RDX: variants seen among roughly 807,000 people sequenced by gnomAD.
RDX encodes the protein deafness, autosomal recessive 24.
RDX carries 32 observed loss-of-function variants against 83.7 expected under a neutral mutation model. The ratio of observed to expected loss-of-function variants is 0.38; its 90% CI spans 0.29 to 0.51. The LOEUF is 0.51. Ranked by LOEUF, RDX falls within the 20% of genes least tolerant of loss-of-function variation. The pLI is 0.87. For synonymous variants in RDX, 229 were observed against 222.7 expected (o/e 1.03, Z -0.25); for missense variants, 600 against 689.9 (o/e 0.87, Z 1.46).
rs566847792 is a variant in RDX at position 110,259,742 on chromosome 11, G to A, written c.468-1553C>T. On this transcript the variant is annotated intron_variant, in intron 5 of 13. Transcript: ENST00000645495. ...ATCAGCCTTGGAGACATAACCCAGT[G>A]CAGTCAATTGCTTACCATAATTATA... Among the ~76,000 whole-genome samples, 6 of 152,268 alleles carry A rather than the reference G, an allele frequency of 3.9e-5. No homozygotes were observed. In the South Asian group the frequency reaches 1.2e-3, roughly 32 times the overall value.
downstream of RDX, among the ~76,000 whole-genome samples, chr11:110,228,613 G>C (rs907378475): frequency 6.6e-6 from 1 of 151,644 alleles, no homozygotes; most frequent in African/African-American, 2.4e-5. Flanking sequence ...ATGTAAAATG[G>C]GATGCCTGTG....
At chr11:110,191,143 GA>G (rs1431248016) in intron 15 of RDX, among the ~76,000 whole-genome samples, 1 of 152,118 alleles carries the variant, frequency 6.6e-6, no homozygotes, top group Non-Finnish European at 1.5e-5. Context: ...AACAAAAAAA[GA>G]AAACTACAGA....
At chr11:110,263,029 C>T (rs1000420272) in intron 5 of RDX, among the ~76,000 whole-genome samples, 1 of 152,166 alleles carries the variant, frequency 6.6e-6, no homozygotes, top group Non-Finnish European at 1.5e-5. Context: ...AATCCCAGCA[C>T]TTTGGGAGAC....
chr11:110,254,060 G>C lies in RDX; in HGVS notation c.845C>G (p.Ala282Gly), dbSNP rs1180466589. 1 of 1,613,374 alleles carries C rather than the reference G, an allele frequency of 6.2e-7. No homozygotes were observed. Among genetic ancestry groups the C allele is most frequent in the Admixed American group, 1.7e-5 (1 of 59,916 alleles). ...PRLRINKRIL[A>G]LCMGNHELYM... Reference sequence around the variant, plus strand: ...TAGTTCATGGTTTCCCATACATAAGGCCAAAATCCGCTTATTGATTCTCAG... The same window carrying C: ...TAGTTCATGGTTTCCCATACATAAGCCCAAAATCCGCTTATTGATTCTCAG... The change falls in exon 9 of 14, where the codon GCC becomes GGC. Residue 282 changes from alanine (A) to glycine (G), a missense_variant. Coordinates refer to ENST00000645495, the MANE Select transcript of RDX (RefSeq NM_002906.4).
intron 14 of RDX, among the ~76,000 whole-genome samples, chr11:110,218,930 T>C (rs966028328): frequency 6.6e-6 from 1 of 152,176 alleles, no homozygotes; most frequent in Non-Finnish European, 1.5e-5. Context: ...GGCACTGCTC[T>C]AGGCCCTGGG....
At chr11:110,275,781 C>A (rs2134412472) in intron 2 of RDX, among the ~76,000 whole-genome samples, 1 of 130,800 alleles carries the variant, frequency 7.6e-6, no homozygotes, top group East Asian at 2.1e-4. Flanking sequence ...TTTTTACCAT[C>A]CTTTTTTTTT....
chr11:110,278,229 CT>C (rs200954462), intron 2 of RDX, among the ~76,000 whole-genome samples: 20 of 149,282 alleles, frequency 1.3e-4, no homozygotes, highest in East Asian at 1.2e-3. Context: ...TGTAAGTTTT[CT>C]TTTTTTTTTA....
chr11:110,232,156 T>C, intron 13 of RDX, 123 bp from the exon 14 acceptor site: 1 of 801,324 alleles, frequency 1.2e-6, no homozygotes, highest in Admixed American at 2.2e-5. Flanking sequence ...CCTTTTTCTT[T>C]AGGTATAAGT....
chr11:110,202,663 T>C (rs1267844148), intron 14 of RDX, among the ~76,000 whole-genome samples: 2 of 151,106 alleles, frequency 1.3e-5, no homozygotes, highest in Non-Finnish European at 3.0e-5. Context: ...CAGGCTGGTC[T>C]TGATCTCCTG....
intron 3 of RDX, among the ~76,000 whole-genome samples, chr11:110,267,957 A>G (rs578125121): frequency 1.3e-5 from 2 of 151,906 alleles, no homozygotes; most frequent in South Asian, 4.2e-4. Flanking sequence ...CTGTCTGAAA[A>G]AAAAGAAAAA....
At chr11:110,226,986 T>C (rs1168373880), downstream of RDX, among the ~76,000 whole-genome samples, 1 of 152,106 alleles carries the variant, frequency 6.6e-6, no homozygotes, top group Non-Finnish European at 1.5e-5. Flanking sequence ...ACTGTTTTTA[T>C]GAAAATAGCT....
chr11:110,189,067 T>C (rs1863047374), intron 15 of RDX, among the ~76,000 whole-genome samples: 1 of 151,474 alleles, frequency 6.6e-6, no homozygotes, highest in South Asian at 2.1e-4. Context: ...AATTCGACTT[T>C]AAAAAAACCA....
At chr11:110,282,051 T>G (rs548146619) in intron 1 of RDX, among the ~76,000 whole-genome samples, 1 of 150,350 alleles carries the variant, frequency 6.7e-6, no homozygotes, top group South Asian at 2.1e-4. Flanking sequence ...AGATCACCAA[T>G]GCACTCCAGC....
intron 15 of RDX, among the ~76,000 whole-genome samples, chr11:110,177,268 T>C (rs1202248685): frequency 6.6e-6 from 1 of 152,170 alleles, no homozygotes; most frequent in Non-Finnish European, 1.5e-5. Flanking sequence ...TGGGAAGTGG[T>C]GAGGTGGTGG....
Position 110,205,537 on chromosome 11 carries a change from A to T in RDX, c.1749-5859T>A, listed in dbSNP as rs188814833. 3.3e-5 allele frequency among the ~76,000 whole-genome samples: 5 copies of T among 152,076 alleles called. No individual in the cohort carries two copies. In the East Asian group the frequency reaches 9.6e-4, roughly 29 times the overall value. Reference sequence around the variant, plus strand: ...TAAATGTCAAAAGATTAGTAACCACAATGGAAAGAAATTATCTGAATTAAC... The same window carrying T: ...TAAATGTCAAAAGATTAGTAACCACTATGGAAAGAAATTATCTGAATTAAC... On this transcript the variant is annotated intron_variant, in intron 14 of 15. Transcript: ENST00000528498.
At chr11:110,198,022 T>C (rs1249074772) in intron 15 of RDX, among the ~76,000 whole-genome samples, 1 of 152,154 alleles carries the variant, frequency 6.6e-6, no homozygotes, top group Non-Finnish European at 1.5e-5. Context: ...AAGAAGCAAA[T>C]TGCTTCTAAA....
At chr11:110,199,494 G>T (rs1457035824) in intron 15 of RDX, 1 of 690,204 alleles carries the variant, frequency 1.4e-6, no homozygotes, top group Non-Finnish European at 2.6e-6. Flanking sequence ...ATTTTATGAG[G>T]TCCCACCAGC....
At chr11:110,289,657 C>G (rs1591189811) in intron 1 of RDX, among the ~76,000 whole-genome samples, 3 of 152,112 alleles carry the variant, frequency 2.0e-5, no homozygotes, top group African/African-American at 7.2e-5. Context: ...TGGCTCACAC[C>G]AGAAATCTCG....
At chr11:110,236,457 T>C in intron 11 of RDX, 1 of 354,040 alleles carries the variant, frequency 2.8e-6, no homozygotes, top group East Asian at 5.8e-5. Context: ...AATGTGTAAC[T>C]TAAAAGCTTT....
Sources: gnomAD v4.1 joint callset for allele counts (sites outside exome capture counted in the v4.1 genomes callset) on GRCh38, gnomAD v4.1.1 for gene constraint, MANE v1.5 for transcripts, NCBI Gene and HGNC (gene_info 2026-07-23, HGNC 2026-07-21) for gene names.